TMEM217: variants seen among roughly 807,000 people sequenced by gnomAD.
TMEM217 encodes transmembrane protein 217.
For synonymous variants in TMEM217, 76 were observed against 88.3 expected, an observed-to-expected ratio of 0.86 and a Z score of 0.78; for missense variants, 204 against 248.8, an observed-to-expected ratio of 0.82 and a Z score of 1.21.
At chr6:37,215,079 GC>G, downstream of TMEM217, 3 of 1,352,098 alleles carry the variant, frequency 2.2e-6, no homozygotes, top group Non-Finnish European at 1.0e-6. Flanking sequence ...CAGCTCTGCT[GC>G]CCCAGCCTTG....
intron 1 of TMEM217, among the ~76,000 whole-genome samples, chr6:37,231,816 A>G (rs1013640405): frequency 6.7e-6 from 1 of 149,628 alleles, no homozygotes; most frequent in Non-Finnish European, 1.5e-5. Flanking sequence ...TTTTTCAGGA[A>G]ATGGGGCTAC....
chr6:37,249,562 C>T (rs1419460169), intron 1 of TMEM217, among the ~76,000 whole-genome samples: 1 of 152,168 alleles, frequency 6.6e-6, no homozygotes. Flanking sequence ...CTCAAGTGAT[C>T]CACCCACCTC....
intron 1 of TMEM217, among the ~76,000 whole-genome samples, chr6:37,225,651 G>C (rs979701297): frequency 6.6e-6 from 1 of 152,120 alleles, no homozygotes; most frequent in Non-Finnish European, 1.5e-5. Context: ...AAAATTTTGG[G>C]TTCCCATTGG....
At chr6:37,241,101 T>C (rs537521648) in intron 1 of TMEM217, among the ~76,000 whole-genome samples, 84 of 145,306 alleles carry the variant, frequency 5.8e-4, no homozygotes, top group African/African-American at 2.0e-3. Flanking sequence ...GTATTACTCT[T>C]TTTTTTTTTT....
chr6:37,220,111 C>T (rs1386993417), intron 1 of TMEM217, among the ~76,000 whole-genome samples: 2 of 151,978 alleles, frequency 1.3e-5, no homozygotes, highest in African/African-American at 2.4e-5. Context: ...TAAATAGAAG[C>T]GCGTAAGTCA....
chr6:37,214,756 T>G (rs1477981927), downstream of TMEM217, among the ~76,000 whole-genome samples: 1 of 152,218 alleles, frequency 6.6e-6, no homozygotes. Context: ...TTCTTATACT[T>G]TATTCTCCAC....
chr6:37,236,248 C>T (rs531658913), intron 1 of TMEM217, among the ~76,000 whole-genome samples: 22 of 152,136 alleles, frequency 1.4e-4, no homozygotes, highest in African/African-American at 4.6e-4. Flanking sequence ...CTGCCTCCCA[C>T]GAGTGCTAGG....
intron 1 of TMEM217, among the ~76,000 whole-genome samples, chr6:37,231,285 G>A (rs1349254960): frequency 7.1e-6 from 1 of 140,984 alleles, no homozygotes; most frequent in Non-Finnish European, 1.5e-5. Context: ...GGCCAGGCTG[G>A]TCTTGAACTC....
chr6:37,241,236 C>T (rs183326668), intron 1 of TMEM217, among the ~76,000 whole-genome samples: 1 of 151,904 alleles, frequency 6.6e-6, no homozygotes, highest in East Asian at 1.9e-4. Flanking sequence ...TGCGTGACAC[C>T]ATACCTGGTT....
At chr6:37,221,481 C>T (rs1026568642) in intron 1 of TMEM217, among the ~76,000 whole-genome samples, 6 of 152,166 alleles carry the variant, frequency 3.9e-5, no homozygotes, top group African/African-American at 7.2e-5. Flanking sequence ...GCCACCCCAC[C>T]TGGCCATGTA....
chr6:37,234,772 T>A (rs1583465009), intron 1 of TMEM217, among the ~76,000 whole-genome samples: 1 of 151,888 alleles, frequency 6.6e-6, no homozygotes, highest in Non-Finnish European at 1.5e-5. Flanking sequence ...GGTATACACA[T>A]GTAATTTTGA....
At chr6:37,244,686 A>G (rs1764961606) in intron 1 of TMEM217, among the ~76,000 whole-genome samples, 1 of 152,200 alleles carries the variant, frequency 6.6e-6, no homozygotes, top group Non-Finnish European at 1.5e-5. Context: ...CAATAACATC[A>G]CATAAACAAC....
At chr6:37,232,459 A>C (rs2113860746) in intron 1 of TMEM217, among the ~76,000 whole-genome samples, 1 of 152,216 alleles carries the variant, frequency 6.6e-6, no homozygotes, top group East Asian at 1.9e-4. Context: ...AATCTTGGCT[A>C]ACTGAAAGCT....
intron 1 of TMEM217, among the ~76,000 whole-genome samples, chr6:37,240,239 G>A (rs984003441): frequency 3.3e-5 from 5 of 152,288 alleles, no homozygotes; most frequent in Admixed American, 6.5e-5. Context: ...CAAGAGTAGC[G>A]TAGGTGGGTG....
At chr6:37,239,144 G>T (rs766791780) in intron 1 of TMEM217, among the ~76,000 whole-genome samples, 2 of 151,674 alleles carry the variant, frequency 1.3e-5, no homozygotes, top group Non-Finnish European at 1.5e-5. Context: ...AAAAACAAAA[G>T]CCGTATGTCT....
chr6:37,222,123 G>A (rs1763555643), intron 1 of TMEM217, among the ~76,000 whole-genome samples: 1 of 152,188 alleles, frequency 6.6e-6, no homozygotes, highest in African/African-American at 2.4e-5. Context: ...GGTCTTTTAT[G>A]GACCTCAGAA....
intron 1 of TMEM217, among the ~76,000 whole-genome samples, chr6:37,228,431 T>TA (rs1295190538): frequency 2.6e-5 from 4 of 152,174 alleles, no homozygotes; most frequent in African/African-American, 9.7e-5. Flanking sequence ...AGGCCAGGCG[T>TA]GATGGCTCAC....
At chr6:37,238,541 T>C (rs1764605258) in intron 1 of TMEM217, among the ~76,000 whole-genome samples, 1 of 152,142 alleles carries the variant, frequency 6.6e-6, no homozygotes, top group South Asian at 2.1e-4. Flanking sequence ...TGGCACACAG[T>C]TCTAGCAAAT....
exon 1 of TMEM217, chr6:37,257,970 G>A: frequency 1.2e-6 from 2 of 1,614,134 alleles, no homozygotes; most frequent in Non-Finnish European, 1.7e-6. Flanking sequence ...AAGCTGCCGG[G>A]GAGGTGAGCC....
Sources: allele counts gnomAD v4.1 joint callset (sites outside exome capture counted in the v4.1 genomes callset), GRCh38; gene constraint gnomAD v4.1.1; transcripts MANE v1.5; gene names NCBI Gene and HGNC (gene_info 2026-07-23, HGNC 2026-07-21).